MBTD1: variants seen among roughly 807,000 people sequenced by gnomAD.
The protein encoded by MBTD1 is MBT domain-containing protein 1.
In MBTD1, 24 loss-of-function variants were observed where a neutral mutation model predicts 87.8. The ratio of observed to expected loss-of-function variants is 0.27; its 90% CI spans 0.20 to 0.38. The LOEUF is 0.38. Ranked by LOEUF, MBTD1 falls within the 10% of genes least tolerant of loss-of-function variation. The probability of loss-of-function intolerance (pLI) is 1.00; values close to 1 mark genes in which losing one functional copy is unlikely to be tolerated. For synonymous variants in MBTD1, 237 were observed against 248.6 expected (o/e 0.95, Z 0.44); for missense variants, 436 against 760.2 (o/e 0.57, Z 5.02).
intron 16 of MBTD1, among the ~76,000 whole-genome samples, chr17:51,187,620 C>A (rs973940080): frequency 6.6e-6 from 1 of 151,760 alleles, no homozygotes; most frequent in Admixed American, 6.6e-5. Context: ...GAGGCCGAGG[C>A]AGGTGGATCA....
chr17:51,235,812 A>C (rs2053797381), intron 2 of MBTD1, among the ~76,000 whole-genome samples: 1 of 152,230 alleles, frequency 6.6e-6, no homozygotes, highest in Non-Finnish European at 1.5e-5. Flanking sequence ...TTGTTCTAAA[A>C]TTCATATGGA....
chr17:51,225,349 TTTCTTTTTTTA>T (rs1280665709), intron 2 of MBTD1, 140 bp from the exon 3 acceptor site: 8 of 445,078 alleles, frequency 1.8e-5, no homozygotes, highest in African/African-American at 6.4e-5. Flanking sequence ...TTCTTTTTTT[TTTCTTTTTTTA>T]AAAAATGCTT....
chr17:51,182,125 ATT>A (rs35397252), intron 16 of MBTD1, among the ~76,000 whole-genome samples: 5,991 of 134,588 alleles, frequency 0.045, 357 homozygotes, highest in African/African-American at 0.15. Context: ...GGCCCTGTGC[ATT>A]TTTTTTTTTT....
intron 16 of MBTD1, among the ~76,000 whole-genome samples, chr17:51,187,173 A>C (rs534859680): frequency 6.6e-6 from 1 of 152,202 alleles, no homozygotes; most frequent in East Asian, 1.9e-4. Context: ...CTGTAATCCC[A>C]GCACCTTGGG....
At chr17:51,193,607 T>C (rs549710299) in intron 13 of MBTD1, 97 bp from the exon 14 acceptor site, 4 of 724,788 alleles carry the variant, frequency 5.5e-6, no homozygotes, top group African/African-American at 3.6e-5. Flanking sequence ...CTTAAGAGCA[T>C]AGGTTATATG....
intron 2 of MBTD1, among the ~76,000 whole-genome samples, chr17:51,237,070 G>A (rs1014506739): frequency 1.2e-4 from 19 of 152,118 alleles, no homozygotes; most frequent in African/African-American, 4.1e-4. Context: ...GCCGAGGCGG[G>A]CGGATCACCT....
At chr17:51,234,400 C>CAAAAAA (rs71149356) in intron 2 of MBTD1, among the ~76,000 whole-genome samples, 6 of 68,680 alleles carry the variant, frequency 8.7e-5, no homozygotes, top group Admixed American at 1.7e-4. Context: ...TCCCCGTCTC[C>CAAAAAA]AAAAAAAAAA....
intron 11 of MBTD1, 66 bp from the exon 12 acceptor site, chr17:51,201,762 C>G: frequency 8.9e-7 from 1 of 1,124,708 alleles, no homozygotes; most frequent in Non-Finnish European, 1.3e-6. Context: ...TAAAATATTA[C>G]CAATGTGAAA....
chr17:51,185,744 T>G (rs144716089), intron 16 of MBTD1: 116 of 152,296 alleles, frequency 7.6e-4, no homozygotes, highest in African/African-American at 2.5e-3. Flanking sequence ...TTCAAAACCA[T>G]GAAATATTCC....
chr17:51,237,531 G>A (rs1255998516), intron 2 of MBTD1, among the ~76,000 whole-genome samples: 1 of 151,962 alleles, frequency 6.6e-6, no homozygotes, highest in Admixed American at 6.6e-5. Flanking sequence ...GATCTAAACA[G>A]AAATTCAAAG....
chr17:51,245,535 CTTTA>C (rs1427661306), intron 2 of MBTD1, among the ~76,000 whole-genome samples: 4 of 151,248 alleles, frequency 2.6e-5, no homozygotes, highest in Non-Finnish European at 5.9e-5. Flanking sequence ...TGTGTCTGGA[CTTTA>C]TTATTATGTA....
At chr17:51,197,702 C>T (rs375300954) in intron 12 of MBTD1, among the ~76,000 whole-genome samples, 136 of 152,140 alleles carry the variant, frequency 8.9e-4, no homozygotes, top group Middle Eastern at 3.4e-3. Context: ...TGCCCTATTG[C>T]TCAGGCTGGT....
chr17:51,198,042 C>G (rs1016923437), intron 12 of MBTD1, among the ~76,000 whole-genome samples: 3 of 152,206 alleles, frequency 2.0e-5, no homozygotes, highest in African/African-American at 4.8e-5. Context: ...GAGTTTGCCT[C>G]TCTTCCAGTG....
intron 2 of MBTD1, among the ~76,000 whole-genome samples, chr17:51,227,980 C>T (rs1287307849): frequency 1.3e-5 from 2 of 151,522 alleles, no homozygotes; most frequent in South Asian, 2.1e-4. Flanking sequence ...GAAAATTTTA[C>T]CTTTTACAAT....
chr17:51,260,563 G>A (rs1247718624), upstream of MBTD1: 2 of 1,601,792 alleles, frequency 1.2e-6, no homozygotes, highest in Non-Finnish European at 1.7e-6. Context: ...GTGAGCGCCT[G>A]CGTTTCTCCT....
rs1179922901 is a variant in MBTD1 at position 51,179,248 on chromosome 17, A to G, written c.*1328T>C. 1 of 151,866 alleles carries G rather than the reference A, an allele frequency of 6.6e-6. No homozygotes were observed. Among genetic ancestry groups the G allele is most frequent in the Non-Finnish European group, 1.5e-5 (1 of 67,988 alleles). 9.4% of individuals were successfully genotyped at this position (151,866 alleles called of 1,614,324 possible). A position where few individuals can be genotyped will look rare whatever the true frequency, so the allele number is the denominator to read the frequency against. ...CCAGAAGCACTTCTAGAACAGATGC[A>G]ATTAATTCCTGAGAGTTTAGTTTAT... On this transcript the variant is annotated 3_prime_UTR_variant, in exon 17 of 17. Transcript: ENST00000586178.
At chr17:51,190,332 C>G (rs965579990) in intron 16 of MBTD1, among the ~76,000 whole-genome samples, 5 of 152,034 alleles carry the variant, frequency 3.3e-5, no homozygotes, top group African/African-American at 1.2e-4. Flanking sequence ...GTTACCCAGG[C>G]TGGTCTAAAG....
In MBTD1 at chr17:51,195,225, G is replaced by T; in HGVS notation, c.1361C>A (p.Thr454Asn). 1.2e-6 allele frequency: 2 copies of T among 1,612,240 alleles called. No homozygotes were observed. Among genetic ancestry groups the T allele is most frequent in the Non-Finnish European group, 1.7e-6 (2 of 1,179,426 alleles). The change falls in exon 13 of 17, where the codon ACT becomes AAT. Residue 454 changes from threonine to asparagine, a missense_variant. By Grantham distance (65) the Thr-to-Asn change is moderately conservative (BLOSUM62 0). Coordinates refer to ENST00000586178, the MANE Select transcript of MBTD1 (RefSeq NM_017643.3). ...TTAGGATGAAGTACCTCTGGGTGGA[G>T]TAAGTTCAATCATGTTAATTTCACA... is the stretch of plus-strand genomic sequence containing the variant. ...GFCEINMIEL[T>N]PPRGYTKLPF...
rs1479683305 is a variant in MBTD1, at chr17:51,225,184, C to T, written c.-23G>A. ...CATCCCGAAAGAATCTCTTCTTTTC[C>T]TTTCAGATCGTGAAGAATGTTCAGT... On this transcript the variant is annotated 5_prime_UTR_variant, in exon 3 of 17. Transcript: ENST00000586178. The T allele has an allele frequency of 6.5e-7, 1 of 1,527,226 alleles. No individual in the cohort carries two copies. The highest frequency in any genetic ancestry group is 8.8e-7 in the Non-Finnish European group (1 of 1,134,732). 94.6% of individuals were successfully genotyped at this position (1,527,226 alleles called of 1,614,324 possible).
Sources: gnomAD v4.1 joint callset for allele counts (sites outside exome capture counted in the v4.1 genomes callset) on GRCh38, gnomAD v4.1.1 for gene constraint, MANE v1.5 for transcripts, NCBI Gene and HGNC (gene_info 2026-07-23, HGNC 2026-07-21) for gene names.